RAI2: variants seen among roughly 807,000 people sequenced by gnomAD.
RAI2 encodes the protein retinoic acid induced 2.
In RAI2, 5 loss-of-function variants were observed where a neutral mutation model predicts 15.3. The observed-to-expected ratio is 0.33, with a 90% CI of 0.17 to 0.69. The LOEUF is 0.69. RAI2 is among the 30% of genes least tolerant of loss of function. The pLI is 0.69. For missense variants in RAI2, 424 were observed against 424.7 expected, an observed-to-expected ratio of 1.00 and a Z score of 0.01; for synonymous variants, 191 against 184.0, an observed-to-expected ratio of 1.04 and a Z score of -0.31.
intron 1 of RAI2, among the ~76,000 whole-genome samples, chrX:17,820,364 T>C (rs922553625): frequency 2.7e-5 from 3 of 112,020 alleles, no homozygotes; most frequent in Admixed American, 9.4e-5. Context: ...TGGACAACAA[T>C]TGTGCTCAAC....
chrX:17,838,179 T>A (rs769970699), intron 1 of RAI2, among the ~76,000 whole-genome samples: 1 of 112,331 alleles, frequency 8.9e-6, no homozygotes, highest in Non-Finnish European at 1.9e-5. Flanking sequence ...TTGGGAGATA[T>A]TGACTAGAAA....
chrX:17,844,125 T>C (rs1277748480), intron 1 of RAI2, among the ~76,000 whole-genome samples: 1 of 112,104 alleles, frequency 8.9e-6, no homozygotes, highest in Non-Finnish European at 1.9e-5. Flanking sequence ...GTATGTTCCA[T>C]AGCTTGATTC....
At chrX:17,834,465 GT>G (rs971546807) in intron 1 of RAI2, among the ~76,000 whole-genome samples, 32 of 103,426 alleles carry the variant, frequency 3.1e-4, no homozygotes, top group Middle Eastern at 4.8e-3. Context: ...AAAATGATTC[GT>G]TTTTTTTTTT....
chrX:17,801,253 G>C lies in RAI2; in HGVS notation c.758C>G (p.Pro253Arg). The change falls in exon 2 of 2, where the codon CCT (proline) becomes CGT (arginine). Residue 253 changes from proline to arginine, a missense_variant. Transcript: ENST00000451717. ...PVPIPIPIPM[P>R]QSSESKFSSS... Reference sequence around the variant, plus strand: ...GCTGAACTTGGATTCAGAACTCTGAGGCATCGGGATGGGGATGGGAATAGG... The same window carrying C: ...GCTGAACTTGGATTCAGAACTCTGACGCATCGGGATGGGGATGGGAATAGG... 8.3e-7 allele frequency: 1 copy of C among 1,205,265 alleles called. No homozygotes were observed. The highest frequency in any genetic ancestry group is 1.1e-6 in the Non-Finnish European group (1 of 891,411).
chrX:17,843,345 C>T (rs922811895), intron 1 of RAI2, among the ~76,000 whole-genome samples: 1 of 111,356 alleles, frequency 9.0e-6, no homozygotes, highest in African/African-American at 3.3e-5. Flanking sequence ...GTTGAACACA[C>T]CTAAGGTTTG....
chrX:17,822,221 A>G (rs1480251587), intron 1 of RAI2, among the ~76,000 whole-genome samples: 2 of 111,913 alleles, frequency 1.8e-5, no homozygotes, highest in Non-Finnish European at 1.9e-5. Flanking sequence ...CTTCAGTTCA[A>G]TAGATGACAA....
chrX:17,800,148 C>G lies in RAI2; in HGVS notation c.*270G>C, dbSNP rs1228650970. 7.1e-6 allele frequency: 2 copies of G among 282,323 alleles called. No individual in the cohort carries two copies. The highest frequency in any genetic ancestry group is 5.6e-5 in the African/African-American group (2 of 35,619). 23.3% of individuals were successfully genotyped at this position (282,323 alleles called of 1,213,427 possible). Reference sequence around the variant, plus strand: ...TGGCAATGAAAATAGCTTTTTTTACCCCTCTAATTCACCCAATATTCCATT... The same window carrying G: ...TGGCAATGAAAATAGCTTTTTTTACGCCTCTAATTCACCCAATATTCCATT... On this transcript the variant is annotated 3_prime_UTR_variant, in exon 2 of 2. Transcript: ENST00000451717.
chrX:17,804,267 A>C (rs2066953469), intron 1 of RAI2, among the ~76,000 whole-genome samples: 2 of 111,928 alleles, frequency 1.8e-5, no homozygotes, highest in South Asian at 7.5e-4. Context: ...CCTCTAATAC[A>C]CCATTCATTC....
At chrX:17,820,846 C>CA (rs1396510527) in intron 1 of RAI2, among the ~76,000 whole-genome samples, 1 of 110,110 alleles carries the variant, frequency 9.1e-6, no homozygotes, top group African/African-American at 3.3e-5. Flanking sequence ...GCCAACCTCT[C>CA]AGCTGAAGAA....
chrX:17,848,792 A>G (rs893658087), intron 1 of RAI2, among the ~76,000 whole-genome samples: 1 of 112,240 alleles, frequency 8.9e-6, no homozygotes, highest in Non-Finnish European at 1.9e-5. Context: ...CTGTTTAATT[A>G]CAGAGAACAG....
chrX:17,819,700 T>G (rs1222340002), intron 1 of RAI2, among the ~76,000 whole-genome samples: 1 of 112,410 alleles, frequency 8.9e-6, no homozygotes, highest in Non-Finnish European at 1.9e-5. Flanking sequence ...ACCACCATGT[T>G]GAAGGAAGGA....
At chrX:17,812,200 A>G (rs917008493) in intron 1 of RAI2, among the ~76,000 whole-genome samples, 22 of 110,964 alleles carry the variant, frequency 2.0e-4, no homozygotes, top group Non-Finnish European at 2.3e-4. Context: ...TCCACCGGCC[A>G]TATTTCTTGT....
At chrX:17,846,969 T>G (rs1456274943) in intron 1 of RAI2, among the ~76,000 whole-genome samples, 1 of 111,794 alleles carries the variant, frequency 8.9e-6, no homozygotes, top group Non-Finnish European at 1.9e-5. Context: ...TTTGATGGTT[T>G]TATAGATGGG....
At chrX:17,818,575 T>A (rs1158241931) in intron 1 of RAI2, among the ~76,000 whole-genome samples, 1 of 111,529 alleles carries the variant, frequency 9.0e-6, no homozygotes, top group Non-Finnish European at 1.9e-5. Context: ...TTAAAAAGGG[T>A]AAAATTCATA....
At chrX:17,833,647 G>A (rs759083896) in intron 1 of RAI2, among the ~76,000 whole-genome samples, 1 of 112,159 alleles carries the variant, frequency 8.9e-6, no homozygotes, top group African/African-American at 3.2e-5. Context: ...TGTTTTGCAG[G>A]GATGGAAATG....
rs1460344747 is a variant in RAI2 at position 17,801,991 on chromosome X, T to C, written c.20A>G (p.Gln7Arg). The part of the protein sequence containing the change: MDDLQS[Q>R]NLSMDMTDSP... ...GTCAGTCATGTCCATGGAGAGGTTC[T>C]GGGACTGCAGGTCGTCCATCACTCA... The change falls in exon 2 of 2, where the codon CAG becomes CGG. Residue 7 changes from glutamine (Q) to arginine (R), a missense_variant. By Grantham distance (43) the Gln-to-Arg change is conservative. Coordinates refer to ENST00000451717, the MANE Select transcript of RAI2 (RefSeq NM_021785.6). 1 of 1,200,694 alleles carries C rather than the reference T, an allele frequency of 8.3e-7. No individual in the cohort carries two copies. Among genetic ancestry groups the C allele is most frequent in the South Asian group, 1.8e-5 (1 of 55,690 alleles).
chrX:17,810,162 A>G (rs1032620793), intron 1 of RAI2, among the ~76,000 whole-genome samples: 2 of 111,347 alleles, frequency 1.8e-5, no homozygotes, highest in African/African-American at 6.6e-5. Context: ...ACTGACTCCC[A>G]GACCCGTTCT....
At chrX:17,820,881 A>C (rs943099837) in intron 1 of RAI2, among the ~76,000 whole-genome samples, 9 of 108,494 alleles carry the variant, frequency 8.3e-5, no homozygotes, top group Non-Finnish European at 1.5e-4. Flanking sequence ...CCAAATCAGC[A>C]TTCTTTTGTA....
At chrX:17,840,323 T>G (rs1314316220) in intron 1 of RAI2, among the ~76,000 whole-genome samples, 2 of 111,134 alleles carry the variant, frequency 1.8e-5, no homozygotes, top group Admixed American at 1.9e-4. Context: ...ACAAGCCTCA[T>G]TGAGAGCCTA....
Sources: gnomAD v4.1 joint callset for allele counts (sites outside exome capture counted in the v4.1 genomes callset) on GRCh38, gnomAD v4.1.1 for gene constraint, MANE v1.5 for transcripts, NCBI Gene and HGNC (gene_info 2026-07-23, HGNC 2026-07-21) for gene names.